The following GXYLT1 variants were observed in gnomAD, a reference collection of about 807,000 sequenced individuals.
GXYLT1 encodes the protein glycosyltransferase 8 domain containing 3.
Under a neutral mutation model 54.0 loss-of-function variants are expected in GXYLT1, and 29 were observed. That is an observed-to-expected ratio of 0.54 (90% CI 0.40 to 0.73). GXYLT1 has a LOEUF of 0.73. GXYLT1 is among the 30% of genes least tolerant of loss of function. The pLI, the probability that GXYLT1 is intolerant of heterozygous loss-of-function variation, is 0.00. For synonymous variants in GXYLT1, 176 were observed against 204.1 expected (o/e 0.86, Z 1.17); for missense variants, 490 against 553.4 (o/e 0.89, Z 1.15).
At chr12:42,104,913 A>G (rs142947747) in intron 5 of GXYLT1, among the ~76,000 whole-genome samples, 6 of 152,358 alleles carry the variant, frequency 3.9e-5, no homozygotes, top group Non-Finnish European at 8.8e-5. Context: ...GTGTTTGCTC[A>G]GAAGTCACTG....
At chr12:42,106,751 T>C (rs1179752473) in intron 4 of GXYLT1, among the ~76,000 whole-genome samples, 2 of 145,960 alleles carry the variant, frequency 1.4e-5, no homozygotes, top group Non-Finnish European at 3.0e-5. Flanking sequence ...TTCTTTTTTT[T>C]TTTTTTTTTT....
intron 7 of GXYLT1, among the ~76,000 whole-genome samples, chr12:42,093,011 A>AAG (rs1353062438): frequency 6.6e-6 from 1 of 152,226 alleles, no homozygotes; most frequent in Admixed American, 6.5e-5. Flanking sequence ...GACAAATGTA[A>AAG]AGACAGCTCT....
chr12:42,095,194 T>C (rs2065348931), intron 7 of GXYLT1, among the ~76,000 whole-genome samples: 1 of 152,186 alleles, frequency 6.6e-6, no homozygotes, highest in Admixed American at 6.6e-5. Context: ...CACAAATCAT[T>C]GGCAGGAATA....
intron 1 of GXYLT1, among the ~76,000 whole-genome samples, chr12:42,135,761 A>C (rs1324662262): frequency 6.6e-6 from 1 of 152,222 alleles, no homozygotes; most frequent in Admixed American, 6.5e-5. Context: ...GGCAGACAGA[A>C]AGTAGACTCG....
chr12:42,117,660 T>G (rs2065505011), intron 3 of GXYLT1, among the ~76,000 whole-genome samples: 1 of 152,190 alleles, frequency 6.6e-6, no homozygotes, highest in East Asian at 1.9e-4. Context: ...TGAATGATCA[T>G]TAGCATCACC....
intron 7 of GXYLT1, among the ~76,000 whole-genome samples, chr12:42,092,473 T>C (rs2136874327): frequency 6.6e-6 from 1 of 152,270 alleles, no homozygotes; most frequent in Non-Finnish European, 1.5e-5. Context: ...TCTTGGTCCT[T>C]AACATTCACA....
At chr12:42,134,101 G>T (rs2065606757) in intron 1 of GXYLT1, among the ~76,000 whole-genome samples, 1 of 145,032 alleles carries the variant, frequency 6.9e-6, no homozygotes, top group Non-Finnish European at 1.6e-5. Flanking sequence ...TCGGGAGGCT[G>T]AGTTAGGAGG....
In GXYLT1 at chr12:42,138,193, G is replaced by C. The variant is rs528538668; in HGVS notation, c.221+6233C>G. ...GAGGCAGAAGAATCGCTTGAACCCA[G>C]AAGGTGGAGGCTGTAGTGAGCCGAG... On this transcript the variant is annotated intron_variant, in intron 1 of 7. Coordinates refer to ENST00000398675, the MANE Select transcript of GXYLT1 (RefSeq NM_173601.2). 3.8e-4 allele frequency among the ~76,000 whole-genome samples: 58 copies of C among 152,352 alleles called. No homozygotes were observed. The Middle Eastern group carries it at 0.01, about 27-fold the overall frequency.
intron 1 of GXYLT1, among the ~76,000 whole-genome samples, chr12:42,142,512 T>A (rs1359751401): frequency 2.0e-5 from 3 of 146,900 alleles, no homozygotes; most frequent in African/African-American, 7.5e-5. Flanking sequence ...AATTTTTTTT[T>A]AATTTTTTTA....
chr12:42,106,386 T>G (rs949873508), intron 4 of GXYLT1, among the ~76,000 whole-genome samples: 2 of 152,186 alleles, frequency 1.3e-5, no homozygotes, highest in African/African-American at 4.8e-5. Context: ...AACATTAACT[T>G]AGGTAAATTT....
intron 3 of GXYLT1, among the ~76,000 whole-genome samples, chr12:42,110,402 C>G (rs1023536555): frequency 6.6e-6 from 1 of 152,258 alleles, no homozygotes; most frequent in East Asian, 1.9e-4. Context: ...GGGGAAAAAA[C>G]TAAGTAGTTT....
rs7968826 is a variant in GXYLT1 at position 42,137,335 on chromosome 12, T to C, written c.221+7091A>G. 2.9e-3 allele frequency among the ~76,000 whole-genome samples: 430 copies of C among 150,496 alleles called. 2 individuals carry two copies. The highest frequency in any genetic ancestry group is 9.4e-3 in the African/African-American group (383 of 40,888). On this transcript the variant is annotated intron_variant, in intron 1 of 7. Coordinates refer to ENST00000398675, the MANE Select transcript of GXYLT1 (RefSeq NM_173601.2). The stretch of plus-strand genomic sequence containing the variant: ...CATCCTGGCTAACACAGTGAAACCC[T>C]GTCTCTACTAAAAACACAAAAAATT...
At chr12:42,137,762 G>GAAAAAAAAAAA (rs56387868) in intron 1 of GXYLT1, among the ~76,000 whole-genome samples, 2 of 107,172 alleles carry the variant, frequency 1.9e-5, no homozygotes, top group African/African-American at 3.9e-5. Flanking sequence ...ATCTCAAATT[G>GAAAAAAAAAAA]AAAAAAAAAA....
chr12:42,121,597 A>G (rs2065531937), intron 2 of GXYLT1, among the ~76,000 whole-genome samples: 1 of 151,586 alleles, frequency 6.6e-6, no homozygotes, highest in African/African-American at 2.4e-5. Flanking sequence ...GCCACACTGC[A>G]CTCCAGCCTG....
Position 42,127,648 on chromosome 12 carries a change from G to A in GXYLT1, c.314+2111C>T, listed in dbSNP as rs985124635. Among the ~76,000 whole-genome samples the A allele has an allele frequency of 8.5e-5, 13 of 152,286 alleles. No homozygotes were observed. In the East Asian group the frequency reaches 1.4e-3, roughly 16 times the overall value. The stretch of plus-strand genomic sequence containing the variant: ...AGGAGGAAAGATTATTATTACTCAC[G>A]CTGTAATTTACAAAAGGGTCTGGGT... On this transcript the variant is annotated intron_variant, in intron 2 of 7. Coordinates refer to ENST00000398675, the MANE Select transcript of GXYLT1 (RefSeq NM_173601.2).
At chr12:42,099,749 C>T (rs538014170) in intron 5 of GXYLT1, among the ~76,000 whole-genome samples, 6 of 152,180 alleles carry the variant, frequency 3.9e-5, no homozygotes, top group Non-Finnish European at 5.9e-5. Flanking sequence ...ACTTGGAAGG[C>T]TGAGGTGGGA....
At position 42,130,713 on chromosome 12, in the gene GXYLT1, G is replaced by A. The variant is rs187860690; in HGVS notation, c.222-862C>T. 3.0e-4 allele frequency among the ~76,000 whole-genome samples: 45 copies of A among 152,216 alleles called. No homozygotes were observed. The East Asian group carries it at 6.6e-3, about 22-fold the overall frequency. On this transcript the variant is annotated intron_variant, in intron 1 of 7. Coordinates refer to ENST00000398675, the MANE Select transcript of GXYLT1 (RefSeq NM_173601.2). ...CATCTATAATCCCAGCACTTTGGGA[G>A]GCTGAGGTAGGTAGACTGCTTGAGG...
rs1159093860 is a variant in GXYLT1, at chr12:42,126,167, G to A, written c.314+3592C>T. On this transcript the variant is annotated intron_variant, in intron 2 of 7. Coordinates refer to ENST00000398675, the MANE Select transcript of GXYLT1 (RefSeq NM_173601.2). ...TGGTTCACTGCAACCTCTCCCTCCC[G>A]GGTTCAAGCGATTCTCGTGCCTCAG... Among the ~76,000 whole-genome samples, 3 of 150,076 alleles carry A rather than the reference G, an allele frequency of 2.0e-5. No homozygotes were observed. In the Admixed American group the frequency reaches 2.0e-4, roughly 10 times the overall value.
chr12:42,121,818 A>G (rs923774160), intron 2 of GXYLT1, among the ~76,000 whole-genome samples: 5 of 152,192 alleles, frequency 3.3e-5, no homozygotes, highest in African/African-American at 1.2e-4. Context: ...CTTTTTAGTG[A>G]AAGTATTATA....
Sources: gnomAD v4.1 joint callset for allele counts (sites outside exome capture counted in the v4.1 genomes callset) on GRCh38, gnomAD v4.1.1 for gene constraint, MANE v1.5 for transcripts, NCBI Gene and HGNC (gene_info 2026-07-23, HGNC 2026-07-21) for gene names.